Variants in DNAI4 observed in about 807,000 individuals in gnomAD.
DNAI4 encodes the protein dynein axonemal intermediate chain 4, also known as WD repeat domain 78.
A neutral mutation model predicts 105.8 loss-of-function variants in DNAI4; 85 were observed. That is an observed-to-expected ratio of 0.80 (90% CI 0.67 to 0.96). The LOEUF (loss-of-function observed/expected upper bound fraction) is 0.96. Among genes scored for constraint, DNAI4 ranks in the 40% least tolerant of loss-of-function variants. The pLI is 0.00. For synonymous variants in DNAI4, 352 were observed against 331.5 expected (o/e 1.06, Z -0.67); for missense variants, 1,014 against 1,005.6 (o/e 1.01, Z -0.11).
chr1:66,900,575 C>A (rs979982161), intron 2 of DNAI4, among the ~76,000 whole-genome samples: 1 of 152,120 alleles, frequency 6.6e-6, no homozygotes, highest in African/African-American at 2.4e-5. Flanking sequence ...TATTTAATTT[C>A]TTTCAATAAT....
chr1:66,865,761 C>T (rs368961985), intron 6 of DNAI4, among the ~76,000 whole-genome samples: 10 of 152,242 alleles, frequency 6.6e-5, no homozygotes, highest in East Asian at 3.9e-4. Flanking sequence ...CAGAAATGAC[C>T]GAGCTTCATT....
At chr1:66,889,399 T>C (rs1189761960) in intron 4 of DNAI4, among the ~76,000 whole-genome samples, 1 of 151,988 alleles carries the variant, frequency 6.6e-6, no homozygotes, top group African/African-American at 2.4e-5. Context: ...TTTGAGACCA[T>C]AAGAAAAGAA....
At chr1:66,916,962 T>C (rs1361403420) in intron 1 of DNAI4, among the ~76,000 whole-genome samples, 1 of 152,170 alleles carries the variant, frequency 6.6e-6, no homozygotes, top group African/African-American at 2.4e-5. Flanking sequence ...TCCTATTTCA[T>C]GGTATCAAGT....
At chr1:66,817,952 T>A (rs1645551747) in intron 16 of DNAI4, among the ~76,000 whole-genome samples, 1 of 130,208 alleles carries the variant, frequency 7.7e-6, no homozygotes, top group Non-Finnish European at 1.7e-5. Context: ...TCAAGATGCA[T>A]CTTGGCTAGT....
At position 66,826,773 on chromosome 1, in the gene DNAI4, T is replaced by C. The variant is rs746107919; in HGVS notation, c.2339+47A>G. On this transcript the variant is annotated intron_variant, in intron 15 of 16. Coordinates refer to ENST00000371026, the MANE Select transcript of DNAI4 (RefSeq NM_024763.5). ...GTCAAAACTATCAGGTATCACTTAG[T>C]TTGAACTGCTTCTACTAAAATTTAT... 2.6e-6 allele frequency: 4 copies of C among 1,561,688 alleles called. No homozygotes were observed. The African/African-American group carries it at 5.6e-5, about 22-fold the overall frequency.
chr1:66,911,446 C>T (rs1230656730), intron 1 of DNAI4, among the ~76,000 whole-genome samples: 1 of 152,092 alleles, frequency 6.6e-6, no homozygotes, highest in Non-Finnish European at 1.5e-5. Context: ...TAACATTCAG[C>T]CTCTTTCCCC....
intron 1 of DNAI4, among the ~76,000 whole-genome samples, chr1:66,913,543 G>A (rs1356601110): frequency 6.6e-6 from 1 of 152,110 alleles, no homozygotes; most frequent in Non-Finnish European, 1.5e-5. Flanking sequence ...GGAAGTATCT[G>A]GGCAATTGTG....
At chr1:66,837,107 C>T (rs748627617) in intron 10 of DNAI4, among the ~76,000 whole-genome samples, 92 of 152,076 alleles carry the variant, frequency 6.0e-4, no homozygotes, top group Non-Finnish European at 9.9e-4. Context: ...GGCTCACGCC[C>T]GTAATCCCAG....
intron 2 of DNAI4, among the ~76,000 whole-genome samples, chr1:66,894,981 A>G (rs1453669176): frequency 6.6e-6 from 1 of 152,076 alleles, no homozygotes; most frequent in Non-Finnish European, 1.5e-5. Context: ...CAAAGAATCT[A>G]TAAATCAAAA....
intron 7 of DNAI4, among the ~76,000 whole-genome samples, chr1:66,855,019 TAAAGG>T (rs1646471663): frequency 6.6e-6 from 1 of 152,100 alleles, no homozygotes; most frequent in African/African-American, 2.4e-5. Context: ...CTAAAGATAG[TAAAGG>T]ATTCACCTGA....
chr1:66,837,555 G>T, intron 10 of DNAI4, 155 bp downstream of exon 10: 1 of 918,860 alleles, frequency 1.1e-6, no homozygotes, highest in Non-Finnish European at 1.6e-6. Flanking sequence ...ATGTCAACAA[G>T]AACAAATTTT....
At chr1:66,862,049 G>A in intron 7 of DNAI4, 98 bp downstream of exon 7, 2 of 1,164,626 alleles carry the variant, frequency 1.7e-6, no homozygotes, top group South Asian at 1.7e-5. Context: ...ACTTTTCATG[G>A]TCCATTAGAA....
chr1:66,845,490 A>G (rs546933138), intron 8 of DNAI4, among the ~76,000 whole-genome samples: 6 of 152,308 alleles, frequency 3.9e-5, no homozygotes, highest in Non-Finnish European at 8.8e-5. Context: ...CAATAATCCA[A>G]TAATCCCATT....
intron 9 of DNAI4, among the ~76,000 whole-genome samples, chr1:66,838,478 T>C (rs185880661): frequency 6.6e-6 from 1 of 152,278 alleles, no homozygotes; most frequent in African/African-American, 2.4e-5. Flanking sequence ...AGAAAATAAA[T>C]TGCTGTTCTT....
At chr1:66,894,035 A>G (rs888354924) in intron 2 of DNAI4, among the ~76,000 whole-genome samples, 2 of 152,128 alleles carry the variant, frequency 1.3e-5, no homozygotes, top group Non-Finnish European at 2.9e-5. Flanking sequence ...CACAGTACAT[A>G]ATATTTGATA....
chr1:66,908,766 G>A (rs1298980338), intron 1 of DNAI4, among the ~76,000 whole-genome samples: 4 of 152,080 alleles, frequency 2.6e-5, no homozygotes, highest in African/African-American at 9.7e-5. Flanking sequence ...GGTCCTTAAT[G>A]TGCCAGCAAT....
intron 6 of DNAI4, among the ~76,000 whole-genome samples, chr1:66,868,935 G>A (rs1417668973): frequency 6.6e-6 from 1 of 151,884 alleles, no homozygotes; most frequent in Non-Finnish European, 1.5e-5. Flanking sequence ...AATTAGCTGG[G>A]TGTGTTGGTG....
At position 66,924,680 on chromosome 1, in the gene DNAI4, T is replaced by C. The variant is rs1651019713; in HGVS notation, c.152A>G (p.Lys51Arg). The C allele has an allele frequency of 6.2e-7, 1 of 1,614,234 alleles. No homozygotes were observed. The highest frequency in any genetic ancestry group is 2.2e-5 in the East Asian group (1 of 44,884). Residue 51 changes from lysine to arginine, a missense_variant, in exon 1 of 17, where the codon AAG becomes AGG. By Grantham distance (26) the Lys-to-Arg change is conservative (BLOSUM62 2). Coordinates refer to ENST00000371026, the MANE Select transcript of DNAI4 (RefSeq NM_024763.5). ...TMPVSPAGSHKQQNFGLNNAT... is the reference protein window; with the variant it reads ...TMPVSPAGSHRQQNFGLNNAT... ...AACTTACAACCCGAAGTTCTGCTGC[T>C]TGTGACTGCCTGCCGGAGAGACTGG... is the stretch of plus-strand genomic sequence containing the variant.
At chr1:66,816,292 C>T (rs1239404635) in intron 16 of DNAI4, among the ~76,000 whole-genome samples, 2 of 152,054 alleles carry the variant, frequency 1.3e-5, no homozygotes, top group Admixed American at 6.5e-5. Flanking sequence ...CCCTTTCCCT[C>T]ACGTCCCGGG....
Sources: gnomAD v4.1 joint callset for allele counts (sites outside exome capture counted in the v4.1 genomes callset) on GRCh38, gnomAD v4.1.1 for gene constraint, MANE v1.5 for transcripts, NCBI Gene and HGNC (gene_info 2026-07-23, HGNC 2026-07-21) for gene names.